Variants in FRAS1 observed in about 807,000 individuals in gnomAD.
The protein encoded by FRAS1 is extracellular matrix organizing protein FRAS1.
A neutral mutation model predicts 435.2 loss-of-function variants in FRAS1; 290 were observed. That is an observed-to-expected ratio of 0.67 (90% CI 0.61 to 0.73). The LOEUF (loss-of-function observed/expected upper bound fraction) is 0.73, where lower values mean the gene tolerates loss of function less well. Among genes scored for constraint, FRAS1 ranks in the 30% least tolerant of loss-of-function variants. The pLI is 0.00. For missense variants in FRAS1, 4,860 were observed against 5,001.5 expected (o/e 0.97, Z 0.85); for synonymous variants, 1,800 against 1,851.0 (o/e 0.97, Z 0.71).
intron 2 of FRAS1, among the ~76,000 whole-genome samples, chr4:78,074,351 A>C (rs2109864476): frequency 6.6e-6 from 1 of 152,316 alleles, no homozygotes; most frequent in East Asian, 1.9e-4. Context: ...TTGATCTAAG[A>C]GATGAGAATT....
chr4:78,488,094 C>G (rs1463401032), intron 58 of FRAS1, among the ~76,000 whole-genome samples: 1 of 152,178 alleles, frequency 6.6e-6, no homozygotes, highest in African/African-American at 2.4e-5. Context: ...GATTGTGCCA[C>G]TGCACTCCAG....
At chr4:78,412,493 T>C (rs1477271853) in intron 31 of FRAS1, among the ~76,000 whole-genome samples, 4 of 152,204 alleles carry the variant, frequency 2.6e-5, no homozygotes. Flanking sequence ...ATCACTTACC[T>C]GTGCTGGTTA....
chr4:78,372,471 C>T (rs918506406), intron 23 of FRAS1, among the ~76,000 whole-genome samples: 2 of 152,206 alleles, frequency 1.3e-5, no homozygotes, highest in Non-Finnish European at 2.9e-5. Flanking sequence ...TGCCAACAAG[C>T]AGGCTCAGCA....
At chr4:78,491,246 C>T (rs767409044) in intron 59 of FRAS1, among the ~76,000 whole-genome samples, 9 of 152,134 alleles carry the variant, frequency 5.9e-5, no homozygotes, top group Non-Finnish European at 1.0e-4. Context: ...GAGCTGGTAC[C>T]ATTACTTCTG....
chr4:78,118,211 C>T (rs1246900069), intron 2 of FRAS1, among the ~76,000 whole-genome samples: 4 of 152,126 alleles, frequency 2.6e-5, no homozygotes, highest in Admixed American at 2.0e-4. Flanking sequence ...AGAGGAGTAC[C>T]CGGCCATGTG....
chr4:78,524,037 C>G (rs944480674), intron 69 of FRAS1, among the ~76,000 whole-genome samples: 1 of 152,220 alleles, frequency 6.6e-6, no homozygotes, highest in Admixed American at 6.5e-5. Context: ...ATACTGACCC[C>G]TTTGTGACAG....
chr4:78,253,342 T>C (rs910511737), intron 5 of FRAS1, among the ~76,000 whole-genome samples: 1 of 152,228 alleles, frequency 6.6e-6, no homozygotes, highest in Admixed American at 6.5e-5. Context: ...GGTGTACTGA[T>C]TTCATATTGT....
intron 2 of FRAS1, among the ~76,000 whole-genome samples, chr4:78,184,261 T>C (rs972651952): frequency 7.2e-5 from 11 of 152,202 alleles, no homozygotes; most frequent in Non-Finnish European, 1.3e-4. Context: ...CATACATGAC[T>C]GTAGGGGTTG....
At chr4:78,130,139 C>G (rs575004623) in intron 2 of FRAS1, among the ~76,000 whole-genome samples, 4 of 152,240 alleles carry the variant, frequency 2.6e-5, no homozygotes, top group South Asian at 4.1e-4. Context: ...TCCTCTCTAC[C>G]TTGTACTTAC....
chr4:78,304,530 C>T (rs1216736399), intron 14 of FRAS1, among the ~76,000 whole-genome samples: 18 of 152,080 alleles, frequency 1.2e-4, no homozygotes, highest in Admixed American at 1.2e-3. Context: ...TTGATTATTG[C>T]CACAATTTCA....
intron 2 of FRAS1, among the ~76,000 whole-genome samples, chr4:78,084,120 C>A (rs1487860424): frequency 6.6e-6 from 1 of 152,056 alleles, no homozygotes; most frequent in Admixed American, 6.6e-5. Flanking sequence ...AGAAGTTCCT[C>A]CTTATTCACA....
intron 15 of FRAS1, among the ~76,000 whole-genome samples, chr4:78,309,943 A>C (rs773216887): frequency 7.2e-5 from 11 of 152,142 alleles, no homozygotes; most frequent in Non-Finnish European, 1.3e-4. Flanking sequence ...TTGTTCACTG[A>C]GCAGGGCAAC....
At chr4:78,365,732 T>G (rs1731237740) in intron 22 of FRAS1, among the ~76,000 whole-genome samples, 1 of 125,302 alleles carries the variant, frequency 8.0e-6, no homozygotes, top group South Asian at 2.4e-4. Context: ...GAGTTTCTAG[T>G]ACATTAAAAA....
At chr4:78,289,286 A>T (rs1727769594) in intron 14 of FRAS1, among the ~76,000 whole-genome samples, 1 of 152,208 alleles carries the variant, frequency 6.6e-6, no homozygotes, top group Admixed American at 6.5e-5. Flanking sequence ...GCACAAACAC[A>T]AACATGCATA....
intron 31 of FRAS1, among the ~76,000 whole-genome samples, chr4:78,412,325 G>A (rs1228430477): frequency 2.6e-5 from 4 of 152,232 alleles, no homozygotes; most frequent in African/African-American, 7.2e-5. Flanking sequence ...GTTTAAGAGG[G>A]TGGTCCAGTA....
chr4:78,172,929 T>C (rs1251818782), intron 2 of FRAS1, among the ~76,000 whole-genome samples: 11 of 152,060 alleles, frequency 7.2e-5, no homozygotes. Context: ...GGTGATCATA[T>C]GATAAAAATA....
intron 2 of FRAS1, among the ~76,000 whole-genome samples, chr4:78,189,043 G>A (rs539692215): frequency 6.6e-6 from 1 of 152,290 alleles, no homozygotes; most frequent in African/African-American, 2.4e-5. Context: ...GTGAGACCCA[G>A]ACTAAGGCAA....
intron 2 of FRAS1, among the ~76,000 whole-genome samples, chr4:78,103,921 C>T (rs1403596569): frequency 6.6e-6 from 1 of 152,216 alleles, no homozygotes; most frequent in South Asian, 2.1e-4. Flanking sequence ...ATCAGTAGTG[C>T]TGGTGGAACT....
chr4:78,513,318 A>G, intron 64 of FRAS1, 74 bp from the exon 65 acceptor site: 1 of 1,442,950 alleles, frequency 6.9e-7, no homozygotes, highest in Non-Finnish European at 9.6e-7. Context: ...AAATTAGGTG[A>G]TGAGAAAGAA....
Sources: allele counts gnomAD v4.1 joint callset (sites outside exome capture counted in the v4.1 genomes callset), GRCh38; gene constraint gnomAD v4.1.1; transcripts MANE v1.5; gene names NCBI Gene and HGNC (gene_info 2026-07-23, HGNC 2026-07-21).